The following MSH3 variants were observed in gnomAD, a reference collection of about 807,000 sequenced individuals.
The protein encoded by MSH3 is mutS homolog 3.
MSH3 carries 106 observed loss-of-function variants against 123.3 expected under a neutral mutation model. That is an observed-to-expected ratio of 0.86 (90% CI 0.73 to 1.01). The LOEUF (loss-of-function observed/expected upper bound fraction) is 1.01, where lower values mean the gene tolerates loss of function less well. MSH3 is among the 50% of genes least tolerant of loss of function. The pLI is 0.00. For missense variants in MSH3, 1,459 were observed against 1,347.6 expected (o/e 1.08, Z -1.29); for synonymous variants, 515 against 481.4 (o/e 1.07, Z -0.91).
At chr5:80,755,608 G>A (rs1037199934) in intron 12 of MSH3, among the ~76,000 whole-genome samples, 15 of 152,094 alleles carry the variant, frequency 9.9e-5, no homozygotes, top group African/African-American at 3.6e-4. Context: ...CATCCCTTTA[G>A]GACATTGCTG....
intron 20 of MSH3, among the ~76,000 whole-genome samples, chr5:80,845,776 A>G (rs929254898): frequency 2.6e-5 from 4 of 152,224 alleles, no homozygotes; most frequent in South Asian, 4.1e-4. Flanking sequence ...TCTTCTCGAC[A>G]CTGTTTATTC....
intron 13 of MSH3, among the ~76,000 whole-genome samples, chr5:80,762,790 T>TTTGTG (rs1744061078): frequency 1.5e-5 from 2 of 132,918 alleles, no homozygotes; most frequent in Non-Finnish European, 3.4e-5. Flanking sequence ...TTTATTTTAT[T>TTTGTG]TTATGTTATG....
chr5:80,717,039 C>A (rs1750976139), intron 8 of MSH3, among the ~76,000 whole-genome samples: 1 of 152,122 alleles, frequency 6.6e-6, no homozygotes. Flanking sequence ...GACAGGGTTT[C>A]ATTTTTTGGG....
rs779693671 is a variant in MSH3, at chr5:80,728,812, AAG to A, written c.1454-37_1454-36del. Reference sequence around the variant, plus strand: ...ACATTTTTTAATTTGATTAATTTAAAAGAATTTTTATAACAAGTTAATATATT... The same window carrying A: ...ACATTTTTTAATTTGATTAATTTAAAAATTTTTATAACAAGTTAATATATT... On this transcript the variant is annotated intron_variant, in intron 9 of 23. Transcript: ENST00000265081. The A allele has an allele frequency of 4.3e-5, 48 of 1,107,438 alleles. No individual in the cohort carries two copies. The highest frequency in any genetic ancestry group is 3.8e-4 in the Admixed American group (21 of 55,856). 68.6% of individuals were successfully genotyped at this position (1,107,438 alleles called of 1,614,324 possible).
chr5:80,691,330 A>G (rs528342979), intron 8 of MSH3, among the ~76,000 whole-genome samples: 2 of 152,044 alleles, frequency 1.3e-5, no homozygotes, highest in East Asian at 1.9e-4. Context: ...ATTTTAAAAG[A>G]TACTATTTAA....
intron 20 of MSH3, among the ~76,000 whole-genome samples, chr5:80,833,381 G>A (rs926950621): frequency 1.3e-5 from 2 of 152,104 alleles, no homozygotes; most frequent in African/African-American, 4.8e-5. Context: ...TAACATCATT[G>A]TCTAGTATAG....
At chr5:80,808,055 G>A (rs1744923627) in intron 19 of MSH3, among the ~76,000 whole-genome samples, 1 of 151,774 alleles carries the variant, frequency 6.6e-6, no homozygotes, top group African/African-American at 2.4e-5. Flanking sequence ...CTCTATAAAG[G>A]GTTTTTACAT....
chr5:80,736,767 C>G (rs1001585926), intron 10 of MSH3, among the ~76,000 whole-genome samples: 1 of 152,188 alleles, frequency 6.6e-6, no homozygotes, highest in African/African-American at 2.4e-5. Flanking sequence ...TGGTGGACAG[C>G]ATTTCACACG....
At chr5:80,826,446 G>A (rs1275300546) in intron 20 of MSH3, among the ~76,000 whole-genome samples, 1 of 152,116 alleles carries the variant, frequency 6.6e-6, no homozygotes, top group Non-Finnish European at 1.5e-5. Context: ...GTTTAAATCT[G>A]TGGATTCCAT....
intron 20 of MSH3, among the ~76,000 whole-genome samples, chr5:80,848,688 C>T (rs1451734533): frequency 1.3e-5 from 2 of 152,186 alleles, no homozygotes; most frequent in Non-Finnish European, 2.9e-5. Flanking sequence ...GTCATGAGAA[C>T]AGCACAGGAA....
intron 8 of MSH3, among the ~76,000 whole-genome samples, chr5:80,716,233 C>T (rs1750958037): frequency 6.6e-6 from 1 of 152,182 alleles, no homozygotes; most frequent in South Asian, 2.1e-4. Context: ...CTACCCCACA[C>T]CTATCTTTCA....
At chr5:80,757,039 T>A (rs1430271225) in intron 12 of MSH3, among the ~76,000 whole-genome samples, 2 of 152,110 alleles carry the variant, frequency 1.3e-5, no homozygotes, top group South Asian at 4.1e-4. Flanking sequence ...AATACACCCC[T>A]AGCAGTTTGT....
intron 19 of MSH3, among the ~76,000 whole-genome samples, chr5:80,811,195 C>T (rs1686273144): frequency 6.6e-6 from 1 of 152,072 alleles, no homozygotes; most frequent in African/African-American, 2.4e-5. Flanking sequence ...TTTCTGGGAG[C>T]ACAATCATGA....
At chr5:80,766,592 C>T (rs1230818424) in intron 13 of MSH3, among the ~76,000 whole-genome samples, 1 of 152,086 alleles carries the variant, frequency 6.6e-6, no homozygotes, top group African/African-American at 2.4e-5. Context: ...ATCTGCCCGC[C>T]TCAGCCTCCC....
At chr5:80,738,600 C>T (rs1743555556) in intron 10 of MSH3, among the ~76,000 whole-genome samples, 1 of 152,100 alleles carries the variant, frequency 6.6e-6, no homozygotes, top group African/African-American at 2.4e-5. Flanking sequence ...GGCAGTATTT[C>T]TGGACAGCCC....
chr5:80,761,372 C>G (rs6151797), intron 12 of MSH3, among the ~76,000 whole-genome samples, 174 bp from the exon 13 acceptor site: 3 of 152,162 alleles, frequency 2.0e-5, no homozygotes, highest in African/African-American at 7.2e-5. Context: ...TCAATGCATA[C>G]GCCCATTGGA....
chr5:80,707,209 T>G (rs1311660799), intron 8 of MSH3, among the ~76,000 whole-genome samples: 1 of 152,268 alleles, frequency 6.6e-6, no homozygotes, highest in African/African-American at 2.4e-5. Flanking sequence ...AGTGTATCAG[T>G]AGTTCATTCC....
At chr5:80,801,463 A>G (rs949239383) in intron 19 of MSH3, among the ~76,000 whole-genome samples, 3 of 152,176 alleles carry the variant, frequency 2.0e-5, no homozygotes, top group African/African-American at 4.8e-5. Flanking sequence ...GAAAGCCACC[A>G]TGTTGTCACC....
chr5:80,821,660 A>C (rs1416548976), intron 20 of MSH3, among the ~76,000 whole-genome samples: 1 of 152,234 alleles, frequency 6.6e-6, no homozygotes, highest in African/African-American at 2.4e-5. Flanking sequence ...CCTTCAGGTC[A>C]TGTTTATAGA....
Sources: allele counts gnomAD v4.1 joint callset (sites outside exome capture counted in the v4.1 genomes callset), GRCh38; gene constraint gnomAD v4.1.1; transcripts MANE v1.5; gene names NCBI Gene and HGNC (gene_info 2026-07-23, HGNC 2026-07-21).